ARHGEF3: variants seen among roughly 807,000 people sequenced by gnomAD.
ARHGEF3 encodes the protein 59.8 kDA protein.
Under a neutral mutation model 63.2 loss-of-function variants are expected in ARHGEF3, and 28 were observed. The ratio of observed to expected loss-of-function variants is 0.44; its 90% CI spans 0.33 to 0.61. ARHGEF3 has a LOEUF of 0.61. ARHGEF3 is among the 20% of genes least tolerant of loss of function. The pLI, the probability that ARHGEF3 is intolerant of heterozygous loss-of-function variation, is 0.03. For synonymous variants in ARHGEF3, 266 were observed against 254.2 expected, an observed-to-expected ratio of 1.05 and a Z score of -0.44; for missense variants, 533 against 659.3, an observed-to-expected ratio of 0.81 and a Z score of 2.10.
rs2034665655 is a variant in ARHGEF3, at chr3:56,750,404, A to G, written c.612+652T>C. Reference sequence around the variant, plus strand: ...CTAAGATCACAGCTTACTTCTTTTTATTTAATTAGGAAAAGGAATGGATTA... The same window carrying G: ...CTAAGATCACAGCTTACTTCTTTTTGTTTAATTAGGAAAAGGAATGGATTA... On this transcript the variant is annotated intron_variant, in intron 6 of 9. Transcript: ENST00000296315. 2.6e-5 allele frequency among the ~76,000 whole-genome samples: 4 copies of G among 152,190 alleles called. No individual in the cohort carries two copies. The South Asian group carries it at 8.3e-4, about 32-fold the overall frequency.
chr3:56,792,194 T>G (rs2037123530), intron 1 of ARHGEF3, among the ~76,000 whole-genome samples: 1 of 152,166 alleles, frequency 6.6e-6, no homozygotes, highest in Non-Finnish European at 1.5e-5. Context: ...CTAGATTTAT[T>G]GAGCACAATG....
chr3:56,854,987 G>A (rs1024122296), intron 4 of ARHGEF3, among the ~76,000 whole-genome samples: 2 of 152,182 alleles, frequency 1.3e-5, no homozygotes, highest in African/African-American at 2.4e-5. Flanking sequence ...TCAATCTTAT[G>A]TAGCACATGG....
chr3:56,943,178 T>C (rs1699274086), intron 3 of ARHGEF3, among the ~76,000 whole-genome samples: 1 of 152,232 alleles, frequency 6.6e-6, no homozygotes, highest in South Asian at 2.1e-4. Flanking sequence ...CAGCTAGAGC[T>C]TTCCTAGCTA....
intron 2 of ARHGEF3, among the ~76,000 whole-genome samples, chr3:56,758,721 T>G (rs1392415378): frequency 6.6e-6 from 1 of 152,174 alleles, no homozygotes. Context: ...AACAGTCCCT[T>G]GTAAACAGTA....
At chr3:57,037,600 C>T (rs6800692) in intron 1 of ARHGEF3, among the ~76,000 whole-genome samples, 50,839 of 152,128 alleles carry the variant, frequency 0.33, 8,731 homozygotes, top group African/African-American at 0.36. Context: ...TTAGGCTGGG[C>T]GCAGTGGCTC....
intron 1 of ARHGEF3, among the ~76,000 whole-genome samples, chr3:57,057,258 C>T (rs1485530461): frequency 2.0e-5 from 3 of 152,014 alleles, no homozygotes; most frequent in Admixed American, 6.6e-5. Context: ...ATTACAGGTG[C>T]GTGCCACCAC....
intron 2 of ARHGEF3, among the ~76,000 whole-genome samples, chr3:56,978,763 A>T (rs1701216818): frequency 6.6e-6 from 1 of 152,210 alleles, no homozygotes; most frequent in Admixed American, 6.5e-5. Flanking sequence ...AAATAACCAC[A>T]AACATGGGCC....
At chr3:56,984,814 G>A (rs1701470224) in intron 2 of ARHGEF3, among the ~76,000 whole-genome samples, 1 of 152,154 alleles carries the variant, frequency 6.6e-6, no homozygotes, top group Non-Finnish European at 1.5e-5. Context: ...GACTAGAGAG[G>A]GGAGGAAAAG....
chr3:56,765,923 T>C (rs1430629237), intron 2 of ARHGEF3, among the ~76,000 whole-genome samples: 1 of 151,946 alleles, frequency 6.6e-6, no homozygotes, highest in African/African-American at 2.4e-5. Flanking sequence ...TCTTACATAC[T>C]GGGGAAAAAA....
At chr3:56,967,501 C>T (rs868749130) in intron 2 of ARHGEF3, among the ~76,000 whole-genome samples, 55 of 76,738 alleles carry the variant, frequency 7.2e-4, no homozygotes, top group Non-Finnish European at 8.2e-4. Flanking sequence ...AAATATATTA[C>T]ATAATATATA....
At chr3:56,977,285 C>G (rs760347207) in intron 2 of ARHGEF3, 13 of 456,594 alleles carry the variant, frequency 2.8e-5, no homozygotes, top group South Asian at 1.4e-4. Flanking sequence ...CCAAATATTT[C>G]TATCAAACAT....
chr3:56,942,674 G>T (rs1699246324), intron 3 of ARHGEF3, among the ~76,000 whole-genome samples: 1 of 152,210 alleles, frequency 6.6e-6, no homozygotes, highest in South Asian at 2.1e-4. Flanking sequence ...AGTGAGGAAG[G>T]CATGTCCAAA....
At chr3:56,890,079 A>G (rs897435723) in intron 3 of ARHGEF3, among the ~76,000 whole-genome samples, 6 of 152,064 alleles carry the variant, frequency 3.9e-5, no homozygotes, top group Non-Finnish European at 7.4e-5. Flanking sequence ...AAATAAATAA[A>G]TACATAAATA....
At chr3:56,840,822 G>A (rs1452318931) in intron 4 of ARHGEF3, among the ~76,000 whole-genome samples, 1 of 152,110 alleles carries the variant, frequency 6.6e-6, no homozygotes, top group East Asian at 1.9e-4. Context: ...TCCTTCATGA[G>A]ATGAAGACTA....
chr3:56,968,402 T>C (rs1430495403), intron 2 of ARHGEF3, among the ~76,000 whole-genome samples: 3 of 132,952 alleles, frequency 2.3e-5, no homozygotes, highest in Non-Finnish European at 3.1e-5. Context: ...TGTAGTGGCG[T>C]GATGATGGCT....
At chr3:56,962,943 C>T (rs1048150821) in intron 2 of ARHGEF3, among the ~76,000 whole-genome samples, 5 of 152,080 alleles carry the variant, frequency 3.3e-5, no homozygotes, top group African/African-American at 9.7e-5. Context: ...AGAGGTTTAG[C>T]GACCACTTAT....
chr3:57,037,799 C>T (rs1011087419), intron 1 of ARHGEF3, among the ~76,000 whole-genome samples: 8 of 152,102 alleles, frequency 5.3e-5, no homozygotes, highest in African/African-American at 9.7e-5. Context: ...GGTGTGAACC[C>T]GGGAGGCGGA....
chr3:56,873,414 G>A (rs1052554829), intron 4 of ARHGEF3, among the ~76,000 whole-genome samples: 7 of 151,990 alleles, frequency 4.6e-5, no homozygotes, highest in Non-Finnish European at 1.0e-4. Context: ...GGGCCCAAGT[G>A]TGTGTTGTTC....
At chr3:56,940,970 T>C (rs1380493810) in intron 3 of ARHGEF3, 1 of 152,192 alleles carries the variant, frequency 6.6e-6, no homozygotes, top group East Asian at 1.9e-4. Context: ...CTTTTCACCA[T>C]CTAAGCATTT....
Sources: allele counts gnomAD v4.1 joint callset (sites outside exome capture counted in the v4.1 genomes callset), GRCh38; gene constraint gnomAD v4.1.1; transcripts MANE v1.5; gene names NCBI Gene and HGNC (gene_info 2026-07-23, HGNC 2026-07-21).